KIAA1217: variants seen among roughly 807,000 people sequenced by gnomAD.
KIAA1217 encodes the protein KIAA1217.
In KIAA1217, 88 loss-of-function variants were observed where a neutral mutation model predicts 163.9. The observed-to-expected ratio is 0.54, with a 90% CI of 0.45 to 0.64. KIAA1217 has a LOEUF of 0.64. Ranked by LOEUF, KIAA1217 falls within the 30% of genes least tolerant of loss-of-function variation. The pLI is 0.00. For synonymous variants in KIAA1217, 903 were observed against 923.1 expected, an observed-to-expected ratio of 0.98 and a Z score of 0.39; for missense variants, 2,372 against 2,475.0, an observed-to-expected ratio of 0.96 and a Z score of 0.88.
chr10:24,077,257 G>A lies in KIAA1217; in HGVS notation c.-171+69883G>A, dbSNP rs111816108. ...TTACCAGGTAAAGGTGTGCCATGGT[G>A]ATTAGCTGCACAGATCATCCCATCA... On this transcript the variant is annotated intron_variant, in intron 2 of 18. Coordinates refer to the KIAA1217 transcript ENST00000376462. 4.9e-3 allele frequency among the ~76,000 whole-genome samples: 738 copies of A among 152,160 alleles called. 4 individuals are homozygous for A. Among genetic ancestry groups the A allele is most frequent in the Middle Eastern group, 0.014 (4 of 294 alleles).
intron 2 of KIAA1217, among the ~76,000 whole-genome samples, chr10:24,021,351 A>T (rs1847723848): frequency 6.6e-6 from 1 of 151,946 alleles, no homozygotes; most frequent in Non-Finnish European, 1.5e-5. Context: ...CACCATTTAC[A>T]TTAGCACCAA....
intron 1 of KIAA1217, among the ~76,000 whole-genome samples, chr10:23,919,612 A>G (rs1372462568): frequency 4.0e-5 from 6 of 150,388 alleles, no homozygotes; most frequent in Admixed American, 3.3e-4. Context: ...TCTCTAAAAA[A>G]AAAAAAAAAA....
intron 2 of KIAA1217, among the ~76,000 whole-genome samples, chr10:24,023,963 G>T (rs961294377): frequency 6.6e-6 from 1 of 151,356 alleles, no homozygotes; most frequent in Non-Finnish European, 1.5e-5. Flanking sequence ...GTGAGGGGAC[G>T]CAGTATTGAC....
chr10:24,207,282 T>TCTCTCTCACACA (rs529791287), upstream of KIAA1217, among the ~76,000 whole-genome samples: 105 of 140,228 alleles, frequency 7.5e-4, no homozygotes, highest in African/African-American at 2.8e-3. Flanking sequence ...TCTCTCTCTC[T>TCTCTCTCACACA]CACACACACA....
At chr10:24,272,088 A>G (rs2131984412) in intron 2 of KIAA1217, among the ~76,000 whole-genome samples, 1 of 152,288 alleles carries the variant, frequency 6.6e-6, no homozygotes, top group South Asian at 2.1e-4. Flanking sequence ...GAAGCCTAGC[A>G]ATAAGGTTCA....
chr10:23,881,168 G>T (rs1404650630), intron 1 of KIAA1217, among the ~76,000 whole-genome samples: 1 of 151,616 alleles, frequency 6.6e-6, no homozygotes, highest in Non-Finnish European at 1.5e-5. Flanking sequence ...CTGTTTCGAT[G>T]AAAGGTAAAC....
chr10:23,760,232 G>A (rs545904739), intron 1 of KIAA1217, among the ~76,000 whole-genome samples: 14 of 152,264 alleles, frequency 9.2e-5, no homozygotes, highest in Non-Finnish European at 1.3e-4. Flanking sequence ...CTCATGGATC[G>A]GGCTCCCTTT....
intron 3 of KIAA1217, among the ~76,000 whole-genome samples, chr10:24,419,649 A>G (rs916497355): frequency 2.6e-5 from 4 of 152,166 alleles, no homozygotes; most frequent in Admixed American, 6.5e-5. Context: ...TTTTAAAGAG[A>G]AAAACATGTT....
At chr10:23,852,154 A>C (rs28893874) in intron 1 of KIAA1217, among the ~76,000 whole-genome samples, 35,773 of 151,778 alleles carry the variant, frequency 0.24, 4,580 homozygotes, top group African/African-American at 0.33. Flanking sequence ...TTAGGTCTAA[A>C]GTTTAAGTCT....
rs1429237898 is a variant in KIAA1217, at chr10:24,546,275, A to G, written c.5783A>G (p.Asn1928Ser). Residue 1928 changes from asparagine to serine, a missense_variant, in exon 21 of 21, where the codon AAT becomes AGT. Transcript: ENST00000376454. ...TPSLTSYKAQ[N>S]GSSSKATPST... ...AGCCTCACCAGCTACAAGGCACAGA[A>G]TGGAAGTTCAAGCAAAGCCACCCCA... 6.2e-7 allele frequency: 1 copy of G among 1,613,268 alleles called. No individual in the cohort carries two copies. Among genetic ancestry groups the G allele is most frequent in the Non-Finnish European group, 8.5e-7 (1 of 1,179,460 alleles).
intron 1 of KIAA1217, among the ~76,000 whole-genome samples, chr10:23,727,165 T>A (rs190341727): frequency 1.3e-5 from 2 of 151,428 alleles, no homozygotes; most frequent in Admixed American, 1.3e-4. Context: ...TTTTTTTGTA[T>A]TTTTTTTAGT....
At chr10:24,220,019 A>G (rs1019392625) in intron 2 of KIAA1217, 110 bp downstream of exon 2, 14 of 1,166,766 alleles carry the variant, frequency 1.2e-5, no homozygotes, top group Non-Finnish European at 1.6e-5. Context: ...TGGACTGTGC[A>G]TACTATTTAG....
chr10:23,969,224 CG>C (rs1050090929), intron 1 of KIAA1217, among the ~76,000 whole-genome samples: 31 of 152,194 alleles, frequency 2.0e-4, no homozygotes, highest in African/African-American at 4.1e-4. Flanking sequence ...TTAGTAGAGA[CG>C]GGGTTTCACC....
At chr10:23,950,210 G>A (rs1283811040) in intron 1 of KIAA1217, among the ~76,000 whole-genome samples, 2 of 152,110 alleles carry the variant, frequency 1.3e-5, no homozygotes, top group Non-Finnish European at 2.9e-5. Flanking sequence ...TGCCTATAAA[G>A]TTTGGGGATT....
chr10:24,524,625 C>A lies in KIAA1217; in HGVS notation c.2759C>A (p.Pro920His), dbSNP rs1391334309. The stretch of plus-strand genomic sequence containing the variant: ...CACGTGGCCAGCTCCCCAGCCGTCC[C>A]CCAGGAAGCAACCTCCACTCTGCAG... ...LPHVASSPAVPQEATSTLQMS... is the reference protein window; with the variant it reads ...LPHVASSPAVHQEATSTLQMS... Residue 920 changes from proline (P) to histidine (H), a missense_variant, in exon 13 of 21, where the codon CCC becomes CAC. By Grantham distance (77) the Pro-to-His change is moderately conservative. Around this residue, in one of 3 missense-constraint regions of KIAA1217, gnomAD observed 1,431 missense variants for 1,470.3 expected, o/e 0.97. Transcript: ENST00000376454. The A allele has an allele frequency of 6.2e-7, 1 of 1,614,148 alleles. No homozygotes were observed. The highest frequency in any genetic ancestry group is 1.7e-5 in the Admixed American group (1 of 60,024).
chr10:24,085,233 G>A (rs2061660135), intron 2 of KIAA1217, among the ~76,000 whole-genome samples: 2 of 152,152 alleles, frequency 1.3e-5, no homozygotes, highest in Admixed American at 6.5e-5. Context: ...TTTTAAGCAA[G>A]ACATAGATGA....
chr10:23,847,241 C>T (rs1024538439), intron 1 of KIAA1217, among the ~76,000 whole-genome samples: 127 of 152,082 alleles, frequency 8.4e-4, no homozygotes, highest in African/African-American at 2.8e-3. Flanking sequence ...AGGATGATGC[C>T]GGCCTCATAA....
chr10:24,167,503 G>C (rs1326286648), intron 2 of KIAA1217, among the ~76,000 whole-genome samples: 1 of 151,966 alleles, frequency 6.6e-6, no homozygotes, highest in African/African-American at 2.4e-5. Context: ...AGATGTAAAG[G>C]CCTCCTGTCC....
chr10:24,290,474 T>C (rs2078980178), intron 2 of KIAA1217, among the ~76,000 whole-genome samples: 2 of 152,106 alleles, frequency 1.3e-5, no homozygotes, highest in African/African-American at 4.8e-5. Flanking sequence ...ACATTACCTG[T>C]CATTCATCTC....
Sources: gnomAD v4.1 joint callset for allele counts (sites outside exome capture counted in the v4.1 genomes callset) on GRCh38, gnomAD v4.1.1 for gene constraint, gnomAD v4.1.1 regional missense constraint, MANE v1.5 for transcripts, NCBI Gene and HGNC (gene_info 2026-07-23, HGNC 2026-07-21) for gene names.